Variants in SEMA5B observed in about 807,000 individuals in gnomAD.
SEMA5B encodes the protein semaphorin 5B.
Under a neutral mutation model 135.0 loss-of-function variants are expected in SEMA5B, and 66 were observed. The observed-to-expected ratio is 0.49, with a 90% CI of 0.40 to 0.60. The LOEUF (loss-of-function observed/expected upper bound fraction) is 0.60. Among genes scored for constraint, SEMA5B ranks in the 20% least tolerant of loss-of-function variants. The pLI, the probability that SEMA5B is intolerant of heterozygous loss-of-function variation, is 0.00. For missense variants in SEMA5B, 1,501 were observed against 1,566.3 expected (o/e 0.96, Z 0.70); for synonymous variants, 690 against 639.5 (o/e 1.08, Z -1.19).
intron 9 of SEMA5B, 28 bp from the exon 10 acceptor site, chr3:122,923,780 G>A: frequency 1.2e-6 from 2 of 1,613,500 alleles, no homozygotes; most frequent in Non-Finnish European, 1.7e-6. Context: ...GTGGCACAGG[G>A]CCCTCCCTGT....
chr3:122,999,533 A>AT lies in SEMA5B; in HGVS notation c.-39+27930dup, dbSNP rs201480319. Reference sequence around the variant, plus strand: ...AGCCACCATGCCCGGCCTTAAGTAGATTTTTTTTTTTTTAAACCCACCAAA... The same window carrying AT: ...AGCCACCATGCCCGGCCTTAAGTAGATTTTTTTTTTTTTTAAACCCACCAAA... On this transcript the variant is annotated intron_variant, in intron 1 of 22. Transcript: ENST00000357599. 7.6e-3 allele frequency among the ~76,000 whole-genome samples: 1,115 copies of AT among 146,816 alleles called. 11 individuals carry two copies. Among genetic ancestry groups the AT allele is most frequent in the African/African-American group, 0.021 (846 of 40,250 alleles).
At chr3:122,981,193 C>T (rs909338168) in intron 1 of SEMA5B, among the ~76,000 whole-genome samples, 5 of 152,252 alleles carry the variant, frequency 3.3e-5, no homozygotes, top group Non-Finnish European at 7.3e-5. Context: ...CCCTCCCTCC[C>T]TTTAGGATTA....
chr3:122,953,057 ATC>A (rs1337614792), intron 2 of SEMA5B, among the ~76,000 whole-genome samples: 3 of 152,116 alleles, frequency 2.0e-5, no homozygotes, highest in Non-Finnish European at 2.9e-5. Flanking sequence ...TGAGTATGTC[ATC>A]TGTTTCCTGG....
chr3:122,969,055 T>C (rs1268956604), intron 1 of SEMA5B, among the ~76,000 whole-genome samples: 2 of 152,220 alleles, frequency 1.3e-5, no homozygotes, highest in Non-Finnish European at 2.9e-5. Context: ...TATCTAAGCT[T>C]TCTCCTGTTC....
intron 20 of SEMA5B, 149 bp downstream of exon 20, chr3:122,911,771 G>T: frequency 8.9e-7 from 1 of 1,128,186 alleles, no homozygotes; most frequent in Non-Finnish European, 1.2e-6. Context: ...GCAAATATGG[G>T]AGTTTTCTTT....
At chr3:123,016,484 G>A (rs1210251321) in intron 1 of SEMA5B, among the ~76,000 whole-genome samples, 1 of 152,230 alleles carries the variant, frequency 6.6e-6, no homozygotes, top group South Asian at 2.1e-4. Flanking sequence ...TAAGTACTAC[G>A]TAAATAGTTG....
chr3:122,916,401 T>C (rs969999320), intron 12 of SEMA5B, among the ~76,000 whole-genome samples: 19 of 152,146 alleles, frequency 1.2e-4, no homozygotes, highest in Admixed American at 9.8e-4. Flanking sequence ...TGAGGAGCTT[T>C]CAAAACATAC....
chr3:122,968,220 T>C (rs578166897), intron 1 of SEMA5B, among the ~76,000 whole-genome samples: 26 of 152,374 alleles, frequency 1.7e-4, no homozygotes, highest in Non-Finnish European at 3.4e-4. Context: ...TGGGAGGTGA[T>C]GTAGCTACCT....
At chr3:123,010,094 G>A (rs1942401535) in intron 1 of SEMA5B, among the ~76,000 whole-genome samples, 1 of 152,198 alleles carries the variant, frequency 6.6e-6, no homozygotes, top group Admixed American at 6.5e-5. Context: ...GGGCCTGGAG[G>A]ACCGGAGGTG....
chr3:122,992,945 G>A (rs1392611197), intron 1 of SEMA5B: 3 of 151,908 alleles, frequency 2.0e-5, no homozygotes, highest in Non-Finnish European at 4.4e-5. Context: ...CAGGACTTCA[G>A]CCCACGCCTG....
At chr3:122,913,464 C>A in intron 16 of SEMA5B, 40 bp from the exon 17 acceptor site, 1 of 1,562,750 alleles carries the variant, frequency 6.4e-7, no homozygotes, top group Admixed American at 1.8e-5. Flanking sequence ...ACCCCACGGC[C>A]TCCAGGCCCG....
At chr3:122,956,564 C>T (rs58537451) in intron 2 of SEMA5B, among the ~76,000 whole-genome samples, 3 of 151,960 alleles carry the variant, frequency 2.0e-5, no homozygotes, top group East Asian at 1.9e-4. Flanking sequence ...TGCTCAGGGG[C>T]GAAGGATGAC....
rs576816986 is a variant in SEMA5B at position 122,987,173 on chromosome 3, G to A, written c.-38-25872C>T. On this transcript the variant is annotated intron_variant, in intron 1 of 22. Coordinates refer to ENST00000357599, the MANE Select transcript of SEMA5B (RefSeq NM_001031702.4). ...CAGTAAAGTGATGCCGGGAAGGCAG[G>A]GGAGAGAGAGAGAGAGAGATTGGAG... Among the ~76,000 whole-genome samples the A allele has an allele frequency of 9.9e-5, 15 of 152,280 alleles. No individual in the cohort carries two copies. In the East Asian group the frequency reaches 2.7e-3, roughly 27 times the overall value.
chr3:122,924,001 AT>A (rs1484498301), intron 9 of SEMA5B, among the ~76,000 whole-genome samples: 1 of 151,790 alleles, frequency 6.6e-6, no homozygotes, highest in Non-Finnish European at 1.5e-5. Flanking sequence ...TCCCTCCCTT[AT>A]TCGGGGGCGC....
At position 122,910,934 on chromosome 3, in the gene SEMA5B, T is replaced by A. The variant is rs1158237025; in HGVS notation, c.3203A>T (p.Glu1068Val). Residue 1068 changes from glutamate to valine, a missense_variant, in exon 22 of 23, where the codon GAG becomes GTG. Physicochemically the swap from Glu to Val is moderately radical, Grantham distance 121 (BLOSUM62 -2). Around this residue, in one of 2 missense-constraint regions of SEMA5B, gnomAD observed 927 missense variants for 881.6 expected, o/e 1.05. Coordinates refer to ENST00000357599, the MANE Select transcript of SEMA5B (RefSeq NM_001031702.4). ...GGTGGCAGGATGGACCAGTGTGGAC[T>A]CCTGGGACTGACGCTGGCAGTGCTG... ...SCQHCQRQSQESTLVHPATPN... is the reference protein window; with the variant it reads ...SCQHCQRQSQVSTLVHPATPN... The A allele has an allele frequency of 5.6e-6, 9 of 1,613,778 alleles. No individual in the cohort carries two copies. The highest frequency in any genetic ancestry group is 7.6e-6 in the Non-Finnish European group (9 of 1,179,984).
chr3:123,019,752 A>G (rs1164233707), intron 1 of SEMA5B, among the ~76,000 whole-genome samples: 1 of 152,172 alleles, frequency 6.6e-6, no homozygotes, highest in Admixed American at 6.5e-5. Context: ...GTTATGGTTC[A>G]GGGGCTGGAG....
intron 2 of SEMA5B, among the ~76,000 whole-genome samples, chr3:122,953,499 C>T (rs1940146729): frequency 1.3e-5 from 2 of 152,188 alleles, no homozygotes; most frequent in Non-Finnish European, 2.9e-5. Context: ...ATTAATATTA[C>T]TGTGTCCACC....
At chr3:122,928,733 C>A in intron 6 of SEMA5B, 118 bp from the exon 7 acceptor site, 1 of 819,598 alleles carries the variant, frequency 1.2e-6, no homozygotes, top group African/African-American at 1.7e-5. Context: ...CCCCTTGACC[C>A]CAGATCCACC....
intron 6 of SEMA5B, 143 bp from the exon 7 acceptor site, chr3:122,928,758 G>T: frequency 1.3e-6 from 1 of 747,760 alleles, no homozygotes; most frequent in South Asian, 1.8e-5. Flanking sequence ...CCGACGTCCG[G>T]GTCACGTCTG....
Sources: gnomAD v4.1 joint callset for allele counts (sites outside exome capture counted in the v4.1 genomes callset) on GRCh38, gnomAD v4.1.1 for gene constraint, gnomAD v4.1.1 regional missense constraint, MANE v1.5 for transcripts, NCBI Gene and HGNC (gene_info 2026-07-23, HGNC 2026-07-21) for gene names.